Variants in CNKSR1 observed in about 807,000 individuals in gnomAD.
The protein encoded by CNKSR1 is connector enhancer of kinase suppressor of Ras 1.
In CNKSR1, 88 loss-of-function variants were observed where a neutral mutation model predicts 95.6. That is an observed-to-expected ratio of 0.92 (90% CI 0.78 to 1.10). The LOEUF (loss-of-function observed/expected upper bound fraction) is 1.10. Ranked by LOEUF, CNKSR1 falls within the 50% of genes least tolerant of loss-of-function variation. The pLI, the probability that CNKSR1 is intolerant of heterozygous loss-of-function variation, is 0.00. For synonymous variants in CNKSR1, 355 were observed against 369.7 expected (o/e 0.96, Z 0.46); for missense variants, 836 against 912.0 (o/e 0.92, Z 1.07).
intron 14 of CNKSR1, among the ~76,000 whole-genome samples, chr1:26,186,156 A>G (rs1255376399): frequency 1.3e-5 from 2 of 152,218 alleles, no homozygotes; most frequent in African/African-American, 4.8e-5. Context: ...GCCCCCTGAC[A>G]ATGCAATACC....
intron 18 of CNKSR1, 38 bp from the exon 19 acceptor site, chr1:26,188,560 C>T: frequency 1.2e-6 from 2 of 1,612,260 alleles, no homozygotes; most frequent in Non-Finnish European, 1.7e-6. Context: ...GCGTGGAGCT[C>T]AGACAGAAAC....
rs1327729708 is a variant in CNKSR1, at chr1:26,178,982, G to A, written c.52+1383G>A. Among the ~76,000 whole-genome samples the A allele has an allele frequency of 2.6e-5, 4 of 152,286 alleles. 1 individual carries two copies. Among genetic ancestry groups the A allele is most frequent in the Non-Finnish European group, 1.5e-5 (1 of 68,006 alleles). ...GGCTTAGAAGGGGAAGAATTCCTTC[G>A]AAGAGTGAGCAAGCTACTTAACCTC... On this transcript the variant is annotated intron_variant, in intron 1 of 20. Coordinates refer to ENST00000361530, the MANE Select transcript of CNKSR1 (RefSeq NM_006314.3).
rs1336471143 is a variant in CNKSR1, at chr1:26,184,254, A to T, written c.967A>T (p.Asn323Tyr). 10 of 1,613,406 alleles carry T rather than the reference A, an allele frequency of 6.2e-6. No individual in the cohort carries two copies. The Admixed American group carries it at 1.7e-4, about 27-fold the overall frequency. ...EDVFAFDLSS[N>Y]PSPGPSPAWT... ...CGTCTTTGCCTTTGACCTGTCTTCA[A>T]ACCCCAGTCCCGGACCCAGCCCTGC... The change falls in exon 11 of 21, where the codon AAC becomes TAC. Residue 323 changes from asparagine (N) to tyrosine (Y), a missense_variant. Physicochemically the swap from Asn to Tyr is moderately radical, Grantham distance 143. Transcript: ENST00000361530.
rs1006803281 is a variant in CNKSR1, at chr1:26,180,955, G to A, written c.392+59G>A. 4.3e-5 allele frequency: 68 copies of A among 1,597,744 alleles called. 2 individuals are homozygous for A. The highest frequency in any genetic ancestry group is 3.3e-4 in the Middle Eastern group (2 of 6,026). On this transcript the variant is annotated intron_variant, in intron 3 of 20. Transcript: ENST00000361530. ...TGTCATCCTTGGCCTCCTTCAGGGC[G>A]TGGGAGAGAAAAACAGATCTTGGCT...
Position 26,189,841 on chromosome 1 carries a change from A to G in CNKSR1, c.*293A>G. The G allele has an allele frequency of 1.6e-6, 1 of 628,534 alleles. No individual in the cohort carries two copies. Among genetic ancestry groups the G allele is most frequent in the Non-Finnish European group, 2.9e-6 (1 of 342,510 alleles). The allele number at this position is 628,534 out of a possible 1,614,324, so 38.9% of individuals were successfully genotyped here. A position where few individuals can be genotyped will look rare whatever the true frequency, so the allele number is the denominator to read the frequency against. ...TCTGTACAGGTGTTCTTTATTTTAC[A>G]TGAGGGCTACTTTCCAACCAAATAA... On this transcript the variant is annotated 3_prime_UTR_variant, in exon 21 of 21. Coordinates refer to ENST00000361530, the MANE Select transcript of CNKSR1 (RefSeq NM_006314.3).
At chr1:26,185,392 CTTTT>C (rs559527821) in intron 14 of CNKSR1, among the ~76,000 whole-genome samples, 3 of 130,700 alleles carry the variant, frequency 2.3e-5, no homozygotes, top group African/African-American at 2.8e-5. Flanking sequence ...AGAGAAAAAT[CTTTT>C]TTTTTTTTTT....
intron 3 of CNKSR1, 56 bp downstream of exon 3, chr1:26,180,952 G>A (rs1388307813): frequency 1.7e-5 from 28 of 1,603,740 alleles, no homozygotes; most frequent in Non-Finnish European, 2.1e-5. Context: ...CCTCCTTCAG[G>A]GCGTGGGAGA....
chr1:26,189,590 C>A lies in CNKSR1; in HGVS notation c.*42C>A. 1 of 973,552 alleles carries A rather than the reference C, an allele frequency of 1.0e-6. No homozygotes were observed. Among genetic ancestry groups the A allele is most frequent in the Non-Finnish European group, 1.7e-6 (1 of 594,786 alleles). The allele number at this position is 973,552 out of a possible 1,614,324, so 60.3% of individuals were successfully genotyped here. A position where few individuals can be genotyped will look rare whatever the true frequency, so the allele number is the denominator to read the frequency against. On this transcript the variant is annotated 3_prime_UTR_variant, in exon 21 of 21. Transcript: ENST00000361530. Reference sequence around the variant, plus strand: ...AGCTCCTGACCTTTGACCCGAGGGCCACCTCAACCCCAGCTTCTGACGTGT... The same window carrying A: ...AGCTCCTGACCTTTGACCCGAGGGCAACCTCAACCCCAGCTTCTGACGTGT...
Position 26,180,874 on chromosome 1 carries a change from G to A in CNKSR1, c.370G>A (p.Ala124Thr), listed in dbSNP as rs751252460. ...AAVELLHEAD[A>T]LLFWLSRYLF... ...TGTGGAGCTGTTGCATGAAGCTGAC[G>A]CCCTCCTCTTCTGGCTCAGCAGGTA... The change falls in exon 3 of 21, where the codon GCC becomes ACC. Residue 124 changes from alanine (A) to threonine (T), a missense_variant. Ala to Thr is a moderately conservative substitution (Grantham distance 58). Coordinates refer to ENST00000361530, the MANE Select transcript of CNKSR1 (RefSeq NM_006314.3). 16 of 1,614,088 alleles carry A rather than the reference G, an allele frequency of 9.9e-6. No individual in the cohort carries two copies. The highest frequency in any genetic ancestry group is 2.2e-5 in the East Asian group (1 of 44,896).
chr1:26,178,409 C>T (rs77881335), intron 1 of CNKSR1, among the ~76,000 whole-genome samples: 1 of 152,208 alleles, frequency 6.6e-6, no homozygotes, highest in Non-Finnish European at 1.5e-5. Flanking sequence ...ACAGCCCCAC[C>T]CTGGGGCTCC....
intron 1 of CNKSR1, among the ~76,000 whole-genome samples, chr1:26,179,794 A>G (rs943312742): frequency 2.6e-5 from 4 of 152,174 alleles, no homozygotes; most frequent in Admixed American, 6.5e-5. Context: ...TATCCCCTGT[A>G]TCATTAGTTC....
chr1:26,179,487 G>A (rs2088611999), intron 1 of CNKSR1, among the ~76,000 whole-genome samples: 1 of 152,190 alleles, frequency 6.6e-6, no homozygotes, highest in African/African-American at 2.4e-5. Context: ...GAAATGTTGA[G>A]TTTAGGGGGC....
chr1:26,181,223 G>T (rs2088641578), intron 3 of CNKSR1: 1 of 347,604 alleles, frequency 2.9e-6, no homozygotes, highest in East Asian at 7.3e-5. Flanking sequence ...GGAAGTTCCA[G>T]TGAGCCGAGA....
At chr1:26,183,285 C>G (rs767498597) in intron 7 of CNKSR1, 29 bp downstream of exon 7, 36 of 1,614,142 alleles carry the variant, frequency 2.2e-5, no homozygotes, top group Non-Finnish European at 2.8e-5. Flanking sequence ...TCTCAGCCGC[C>G]CATCCCCGAG....
Position 26,184,449 on chromosome 1 carries a change from C to T in CNKSR1, c.1049C>T (p.Pro350Leu), listed in dbSNP as rs2297710. 2 of 1,613,566 alleles carry T rather than the reference C, an allele frequency of 1.2e-6. No individual in the cohort carries two copies. The highest frequency in any genetic ancestry group is 1.3e-5 in the African/African-American group (1 of 74,914). Residue 350 changes from proline to leucine, a missense_variant, in exon 12 of 21, where the codon CCA (proline) becomes CTA (leucine). By Grantham distance (98) the Pro-to-Leu change is moderately conservative. Transcript: ENST00000361530. ...CCCCTGCCCATCCCCCCGGAACCCC[C>T]AGCCATACTCCCAGCAGGGGTAGCA... is the stretch of plus-strand genomic sequence containing the variant. Reference protein sequence around the residue: ...PEPLPIPPEPPAILPAGVAGT... With the variant: ...PEPLPIPPEPLAILPAGVAGT...
At position 26,181,856 on chromosome 1, in the gene CNKSR1, G is replaced by C; in HGVS notation, c.393-1G>C. On this transcript the variant is annotated splice_acceptor_variant, in intron 3 of 20. Coordinates refer to ENST00000361530, the MANE Select transcript of CNKSR1 (RefSeq NM_006314.3). LOFTEE classifies it high-confidence loss of function. ...CCACTGTGCTATTCTTCCCCTGCCAGGTACCTCTTCTCCCACTTAAATGAT... is the reference window on the plus strand; with the variant it reads ...CCACTGTGCTATTCTTCCCCTGCCACGTACCTCTTCTCCCACTTAAATGAT... 1 of 1,614,046 alleles carries C rather than the reference G, an allele frequency of 6.2e-7. No homozygotes were observed. The highest frequency in any genetic ancestry group is 8.5e-7 in the Non-Finnish European group (1 of 1,179,960).
At position 26,183,780 on chromosome 1, in the gene CNKSR1, G is replaced by A. The variant is rs565213360; in HGVS notation, c.805G>A (p.Gly269Arg). ...GAGGGAACTGCTGCGGGAGCCAGCCGGACTCAGCTTAGTGCTGAAGAAGAT... is the reference window on the plus strand; with the variant it reads ...GAGGGAACTGCTGCGGGAGCCAGCCAGACTCAGCTTAGTGCTGAAGAAGAT... ...MVRELLREPA[G>R]LSLVLKKIPI... The change falls in exon 9 of 21, where the codon GGA (glycine) becomes AGA (arginine). Residue 269 changes from glycine to arginine, a missense_variant. Physicochemically the swap from Gly to Arg is moderately radical, Grantham distance 125 (BLOSUM62 -2). Transcript: ENST00000361530. The A allele has an allele frequency of 1.0e-4, 166 of 1,613,576 alleles. 1 individual carries two copies. In the South Asian group the frequency reaches 1.3e-3, roughly 13 times the overall value.
Position 26,187,246 on chromosome 1 carries a change from A to G in CNKSR1, c.1382+5A>G. On this transcript the variant is annotated splice_donor_5th_base_variant and intron_variant, in intron 15 of 20. Transcript: ENST00000361530. The stretch of plus-strand genomic sequence containing the variant: ...ACATGATCAGAAGAAGAAATAGTTA[A>G]GTCTTGGGGTGTGATGGGCTGGGGG... The G allele has an allele frequency of 1.2e-6, 2 of 1,612,554 alleles. No individual in the cohort carries two copies. Among genetic ancestry groups the G allele is most frequent in the Non-Finnish European group, 1.7e-6 (2 of 1,178,524 alleles).
rs201108345 is a variant in CNKSR1, at chr1:26,180,774, C to G, written c.270C>G (p.Thr90=). ...QSLTEGLLGA[T]HDFQSIVQGC... The stretch of plus-strand genomic sequence containing the variant: ...TGACAGAGGGACTTCTGGGGGCAAC[C>G]CATGACTTCCAGAGCATAGTCCAAG... Residue 90 remains threonine, a synonymous_variant, in exon 3 of 21, where the codon ACC becomes ACG. Coordinates refer to ENST00000361530, the MANE Select transcript of CNKSR1 (RefSeq NM_006314.3). The G allele has an allele frequency of 1.1e-4, 171 of 1,614,102 alleles. 1 individual carries two copies. The highest frequency in any genetic ancestry group is 2.1e-5 in the Non-Finnish European group (25 of 1,180,040).
Sources: gnomAD v4.1 joint callset for allele counts (sites outside exome capture counted in the v4.1 genomes callset) on GRCh38, gnomAD v4.1.1 for gene constraint, MANE v1.5 for transcripts, NCBI Gene and HGNC (gene_info 2026-07-23, HGNC 2026-07-21) for gene names.